Variants in FIGN observed in about 807,000 individuals in gnomAD.
The protein encoded by FIGN is fidgetin, microtubule severing factor, also known as fidgetin.
A neutral mutation model predicts 51.3 loss-of-function variants in FIGN; 11 were observed. That is an observed-to-expected ratio of 0.21 (90% CI 0.13 to 0.35). The LOEUF is 0.35. FIGN is among the 10% of genes least tolerant of loss of function. The pLI, the probability that FIGN is intolerant of heterozygous loss-of-function variation, is 1.00. For synonymous variants in FIGN, 407 were observed against 363.2 expected, an observed-to-expected ratio of 1.12 and a Z score of -1.37; for missense variants, 857 against 943.6, an observed-to-expected ratio of 0.91 and a Z score of 1.20.
chr2:163,709,543 CT>C (rs1253163394), intron 2 of FIGN, among the ~76,000 whole-genome samples: 1 of 152,056 alleles, frequency 6.6e-6, no homozygotes, highest in Non-Finnish European at 1.5e-5. Context: ...AATATCTAGA[CT>C]TTTTTTCTTC....
At chr2:163,650,027 C>T (rs991019221) in intron 2 of FIGN, among the ~76,000 whole-genome samples, 14 of 152,038 alleles carry the variant, frequency 9.2e-5, no homozygotes, top group African/African-American at 3.1e-4. Context: ...TGCGCTCATC[C>T]CATTACATTG....
At chr2:163,708,255 T>C (rs923225687) in intron 2 of FIGN, among the ~76,000 whole-genome samples, 7 of 151,738 alleles carry the variant, frequency 4.6e-5, no homozygotes, top group South Asian at 4.2e-4. Flanking sequence ...CTGTGATAGC[T>C]GACCCTAACC....
At chr2:163,629,421 G>A (rs1380674060) in intron 2 of FIGN, among the ~76,000 whole-genome samples, 1 of 152,100 alleles carries the variant, frequency 6.6e-6, no homozygotes, top group Non-Finnish European at 1.5e-5. Context: ...ATGGAGGAAA[G>A]GGGTTGTGAG....
chr2:163,675,706 C>CTTTTTTTTTTTTTT (rs900840520), intron 2 of FIGN, among the ~76,000 whole-genome samples: 168 of 100,490 alleles, frequency 1.7e-3, no homozygotes, highest in Non-Finnish European at 2.0e-3. Context: ...TTCTTTCTTT[C>CTTTTTTTTTTTTTT]TTTTTTTTTT....
intron 2 of FIGN, among the ~76,000 whole-genome samples, chr2:163,669,838 C>T (rs941685877): frequency 2.0e-5 from 3 of 152,080 alleles, no homozygotes; most frequent in African/African-American, 7.2e-5. Flanking sequence ...CTTCTAATTG[C>T]TGAGGACTTC....
At chr2:163,732,512 T>C (rs1256483052) in intron 2 of FIGN, among the ~76,000 whole-genome samples, 2 of 152,160 alleles carry the variant, frequency 1.3e-5, no homozygotes, top group African/African-American at 4.8e-5. Flanking sequence ...TTGAACAATC[T>C]GTGTTCAAAA....
intron 2 of FIGN, among the ~76,000 whole-genome samples, chr2:163,653,226 A>T (rs1057098508): frequency 6.6e-6 from 1 of 151,908 alleles, no homozygotes; most frequent in Non-Finnish European, 1.5e-5. Context: ...AATAAATATC[A>T]CCTCTTTCTA....
chr2:163,642,510 A>C (rs1217578869), intron 2 of FIGN, among the ~76,000 whole-genome samples: 1 of 152,202 alleles, frequency 6.6e-6, no homozygotes, highest in African/African-American at 2.4e-5. Flanking sequence ...GGTATTACAG[A>C]AATGGGAAAG....
At chr2:163,629,952 CTTTTTTTTTTTTT>C (rs71297448) in intron 2 of FIGN, among the ~76,000 whole-genome samples, 32 of 56,936 alleles carry the variant, frequency 5.6e-4, no homozygotes, top group Non-Finnish European at 8.4e-4. Context: ...GAAAGGGGCA[CTTTTTTTTTTTTT>C]TTTTTTTTTT....
chr2:163,699,482 T>C (rs1209947108), intron 2 of FIGN, among the ~76,000 whole-genome samples: 3 of 130,012 alleles, frequency 2.3e-5, no homozygotes, highest in African/African-American at 8.3e-5. Context: ...TTTAGGTTAG[T>C]GTATTTTCAA....
At chr2:163,689,967 A>C (rs894685418) in intron 2 of FIGN, among the ~76,000 whole-genome samples, 2 of 152,176 alleles carry the variant, frequency 1.3e-5, no homozygotes, top group African/African-American at 2.4e-5. Context: ...AATTGTAAAT[A>C]ATTTCAATCT....
intron 2 of FIGN, among the ~76,000 whole-genome samples, chr2:163,688,807 G>A (rs1684194330): frequency 6.6e-6 from 1 of 152,044 alleles, no homozygotes; most frequent in Non-Finnish European, 1.5e-5. Context: ...ATAGTTTTTG[G>A]TCATGTTTTC....
chr2:163,627,902 C>T (rs1573912710), intron 2 of FIGN, among the ~76,000 whole-genome samples: 1 of 152,276 alleles, frequency 6.6e-6, no homozygotes, highest in Middle Eastern at 3.4e-3. Flanking sequence ...GAGTTCCCTT[C>T]TTCTCTTCCC....
In FIGN at chr2:163,605,406, A is replaced by G. The variant is rs1488051737; in HGVS notation, c.*4146T>C. 6.6e-6 allele frequency: 1 copy of G among 152,088 alleles called. No individual in the cohort carries two copies. Among genetic ancestry groups the G allele is most frequent in the Non-Finnish European group, 1.5e-5 (1 of 67,996 alleles). 9.4% of individuals were successfully genotyped at this position (152,088 alleles called of 1,614,324 possible). A position where few individuals can be genotyped will look rare whatever the true frequency, so the allele number is the denominator to read the frequency against. On this transcript the variant is annotated 3_prime_UTR_variant, in exon 3 of 3. Transcript: ENST00000333129. ...CCAGGTTTGCTAATGTGCTTCATATAAAAATCGGCAGATGATTCAACAACT... is the reference window on the plus strand; with the variant it reads ...CCAGGTTTGCTAATGTGCTTCATATGAAAATCGGCAGATGATTCAACAACT...
chr2:163,650,387 C>T (rs1683452853), intron 2 of FIGN, among the ~76,000 whole-genome samples: 1 of 151,500 alleles, frequency 6.6e-6, no homozygotes, highest in Non-Finnish European at 1.5e-5. Context: ...TTTTTAATTC[C>T]TTTTTCTGAT....
At position 163,609,327 on chromosome 2, in the gene FIGN, G is replaced by A. The variant is rs537719256; in HGVS notation, c.*225C>T. 1.6e-5 allele frequency: 9 copies of A among 553,282 alleles called. 1 individual carries two copies. The South Asian group carries it at 1.7e-4, about 11-fold the overall frequency. The allele number at this position is 553,282 out of a possible 1,614,324, so 34.3% of individuals were successfully genotyped here. ...TGTTGTCTAGCTTGAACAGAACTGA[G>A]CATCCACATATGCTTTCTGTCATCT... On this transcript the variant is annotated 3_prime_UTR_variant, in exon 3 of 3. Transcript: ENST00000333129.
intron 2 of FIGN, among the ~76,000 whole-genome samples, chr2:163,719,823 C>T (rs1376253312): frequency 1.3e-5 from 2 of 152,008 alleles, no homozygotes; most frequent in Non-Finnish European, 2.9e-5. Flanking sequence ...GTTATTCATC[C>T]CAGTCTCATC....
intron 2 of FIGN, among the ~76,000 whole-genome samples, chr2:163,697,393 ACCCAGCCTCT>A (rs1684339148): frequency 6.6e-6 from 1 of 151,700 alleles, no homozygotes. Context: ...GAGCCACCAC[ACCCAGCCTCT>A]GTGTCATGAT....
intron 2 of FIGN, among the ~76,000 whole-genome samples, chr2:163,691,957 C>A (rs548812288): frequency 1.2e-4 from 18 of 152,262 alleles, no homozygotes; most frequent in African/African-American, 3.4e-4. Flanking sequence ...GCAAGTTCAT[C>A]TTTAAAAATT....
Sources: allele counts gnomAD v4.1 joint callset (sites outside exome capture counted in the v4.1 genomes callset), GRCh38; gene constraint gnomAD v4.1.1; transcripts MANE v1.5; gene names NCBI Gene and HGNC (gene_info 2026-07-23, HGNC 2026-07-21).